The following MTHFD1 variants were observed in gnomAD, a reference collection of about 807,000 sequenced individuals.
MTHFD1 encodes C-1-tetrahydrofolate synthase, cytoplasmic.
A neutral mutation model predicts 110.3 loss-of-function variants in MTHFD1; 44 were observed. That is an observed-to-expected ratio of 0.40 (90% CI 0.31 to 0.51). The LOEUF (loss-of-function observed/expected upper bound fraction) is 0.51, where lower values mean the gene tolerates loss of function less well. Ranked by LOEUF, MTHFD1 falls within the 20% of genes least tolerant of loss-of-function variation. The probability of loss-of-function intolerance (pLI) is 0.60; values close to 1 mark genes in which losing one functional copy is unlikely to be tolerated. For missense variants in MTHFD1, 909 were observed against 1,173.1 expected (o/e 0.77, Z 3.29); for synonymous variants, 402 against 428.8 (o/e 0.94, Z 0.77).
intron 26 of MTHFD1, 164 bp from the exon 27 acceptor site, chr14:64,458,050 C>A: frequency 1.5e-6 from 1 of 678,830 alleles, no homozygotes; most frequent in Non-Finnish European, 2.7e-6. Context: ...GCCATCATAT[C>A]CAGCTAATTT....
At chr14:64,399,705 G>C (rs924399430) in intron 1 of MTHFD1, among the ~76,000 whole-genome samples, 1 of 151,148 alleles carries the variant, frequency 6.6e-6, no homozygotes, top group Non-Finnish European at 1.5e-5. Flanking sequence ...ACATCTACTT[G>C]AGGCCTGGAA....
chr14:64,446,300 G>C (rs2078288707), intron 22 of MTHFD1, among the ~76,000 whole-genome samples: 1 of 152,072 alleles, frequency 6.6e-6, no homozygotes, highest in African/African-American at 2.4e-5. Context: ...CCATGGTTTT[G>C]CACCTTTAGT....
At chr14:64,436,241 C>T (rs112806698) in intron 16 of MTHFD1, among the ~76,000 whole-genome samples, 9,481 of 152,102 alleles carry the variant, frequency 0.062, 522 homozygotes, top group African/African-American at 0.16. Context: ...ACTACAGGCA[C>T]CCGCCATCAT....
At chr14:64,404,578 C>G (rs1268525388) in intron 2 of MTHFD1, among the ~76,000 whole-genome samples, 1 of 152,242 alleles carries the variant, frequency 6.6e-6, no homozygotes, top group Non-Finnish European at 1.5e-5. Flanking sequence ...ATCAGAGTTT[C>G]ACCCAAGTTG....
Position 64,420,062 on chromosome 14 carries a change from T to C in MTHFD1, c.727+137T>C, listed in dbSNP as rs1451529916. The C allele has an allele frequency of 4.1e-6, 3 of 735,090 alleles. No homozygotes were observed. In the Admixed American group the frequency reaches 6.0e-5, roughly 15 times the overall value. The allele number at this position is 735,090 out of a possible 1,614,324, so 45.5% of individuals were successfully genotyped here. A position where few individuals can be genotyped will look rare whatever the true frequency, so the allele number is the denominator to read the frequency against. On this transcript the variant is annotated intron_variant, in intron 8 of 27. Transcript: ENST00000652337. ...TTTAGGAGACTGACTAGCCCAAGGG[T>C]GCACAGAGTTAGTAGATAGAAGAGT...
chr14:64,407,597 T>G (rs1240696050), intron 2 of MTHFD1, among the ~76,000 whole-genome samples: 3 of 147,180 alleles, frequency 2.0e-5, no homozygotes, highest in South Asian at 2.2e-4. Context: ...CAGGCTGGAG[T>G]GCAGTGATGT....
intron 1 of MTHFD1, among the ~76,000 whole-genome samples, chr14:64,394,658 A>G (rs1019422217): frequency 6.6e-6 from 1 of 152,034 alleles, no homozygotes; most frequent in African/African-American, 2.4e-5. Context: ...AGGTTTTGCC[A>G]GAGCCTGTCA....
At chr14:64,430,893 C>T (rs946662101) in intron 13 of MTHFD1, among the ~76,000 whole-genome samples, 1 of 152,074 alleles carries the variant, frequency 6.6e-6, no homozygotes, top group African/African-American at 2.4e-5. Context: ...TGCTCCCGTG[C>T]ACTCCTCCTC....
chr14:64,397,138 AATAT>A (rs1182197415), intron 1 of MTHFD1, among the ~76,000 whole-genome samples: 37 of 11,930 alleles, frequency 3.1e-3, no homozygotes, highest in East Asian at 0.013. Context: ...AAAAAAAAAA[AATAT>A]ATATATATAT....
chr14:64,389,371 C>T (rs1314706777), intron 1 of MTHFD1, among the ~76,000 whole-genome samples: 3 of 152,178 alleles, frequency 2.0e-5, no homozygotes, highest in African/African-American at 7.2e-5. Flanking sequence ...TGTCCTGTAA[C>T]TCCTAACTTT....
chr14:64,412,548 T>G (rs1048813243), intron 4 of MTHFD1, 23 bp downstream of exon 4: 3 of 1,597,882 alleles, frequency 1.9e-6, no homozygotes, highest in Non-Finnish European at 2.6e-6. Flanking sequence ...GAGTTGATTG[T>G]GAAGAGGGAA....
chr14:64,417,292 G>T lies in MTHFD1; in HGVS notation c.479-596G>T, dbSNP rs1301041537. On this transcript the variant is annotated intron_variant, in intron 6 of 27. Transcript: ENST00000652337. The surrounding 1 kb of genome is among the most constrained non-coding windows in gnomAD (Gnocchi z 4.4). ...TGAGTCAGCCCTGAAAAGGACATTG[G>T]TATATTGCCAGAAAAATGGATGCTG... Among the ~76,000 whole-genome samples the T allele has an allele frequency of 6.6e-6, 1 of 152,178 alleles. No homozygotes were observed. Among genetic ancestry groups the T allele is most frequent in the South Asian group, 2.1e-4 (1 of 4,824 alleles).
chr14:64,449,387 G>T, intron 23 of MTHFD1, 58 bp from the exon 24 acceptor site: 1 of 1,580,978 alleles, frequency 6.3e-7, no homozygotes, highest in South Asian at 1.1e-5. Context: ...GCAAAAAGAA[G>T]ACAATTCTGT....
intron 1 of MTHFD1, among the ~76,000 whole-genome samples, chr14:64,390,075 G>A (rs1424638463): frequency 6.6e-6 from 1 of 152,130 alleles, no homozygotes; most frequent in African/African-American, 2.4e-5. Flanking sequence ...TAAACACCTG[G>A]AAACCCTGTT....
At chr14:64,418,142 TG>T in intron 7 of MTHFD1, 118 bp downstream of exon 7, 1 of 1,347,768 alleles carries the variant, frequency 7.4e-7, no homozygotes, top group South Asian at 1.2e-5. Flanking sequence ...TTTTACAAGA[TG>T]AAAAAACAAA....
intron 11 of MTHFD1, among the ~76,000 whole-genome samples, chr14:64,426,480 T>C (rs558243403): frequency 1.3e-5 from 2 of 152,302 alleles, no homozygotes; most frequent in South Asian, 4.1e-4. Flanking sequence ...TTGTTGTTGT[T>C]GTTGTTTTGA....
intron 4 of MTHFD1, among the ~76,000 whole-genome samples, chr14:64,414,678 G>T (rs2078012118): frequency 7.2e-6 from 1 of 139,374 alleles, no homozygotes; most frequent in Non-Finnish European, 1.5e-5. Context: ...TTTTTTTGAG[G>T]TGGAGTTTCA....
chr14:64,431,423 C>A, intron 13 of MTHFD1, 109 bp from the exon 14 acceptor site: 1 of 893,640 alleles, frequency 1.1e-6, no homozygotes, highest in Non-Finnish European at 1.8e-6. Context: ...AACTGGGCTG[C>A]CTTCAGTATT....
rs752129357 is a variant in MTHFD1, at chr14:64,417,975, A to G, written c.566A>G (p.Asn189Ser). ...APMHDLLLWN[N>S]ATVTTCHSKT... ...ATGCATGACTTGCTTCTGTGGAACA[A>G]TGCCACAGTGACCACCTGCCACTCC... The change falls in exon 7 of 28, where the codon AAT becomes AGT. Residue 189 changes from asparagine (N) to serine (S), a missense_variant. By Grantham distance (46) the Asn-to-Ser change is conservative. Coordinates refer to ENST00000652337, the MANE Select transcript of MTHFD1 (RefSeq NM_005956.4). This position sits in a 1 kb window ranked among gnomAD's most constrained non-coding sequence, Gnocchi z 4.4. The G allele has an allele frequency of 6.2e-7, 1 of 1,614,056 alleles. No individual in the cohort carries two copies. Among genetic ancestry groups the G allele is most frequent in the Non-Finnish European group, 8.5e-7 (1 of 1,180,002 alleles).
Sources: allele counts gnomAD v4.1 joint callset (sites outside exome capture counted in the v4.1 genomes callset), GRCh38; gene constraint gnomAD v4.1.1; non-coding constraint Gnocchi (gnomAD v3.1); transcripts MANE v1.5; gene names NCBI Gene and HGNC (gene_info 2026-07-23, HGNC 2026-07-21).